CDH13: variants seen among roughly 807,000 people sequenced by gnomAD.
The protein encoded by CDH13 is cadherin-13.
CDH13 carries 24 observed loss-of-function variants against 63.8 expected under a neutral mutation model. The observed-to-expected ratio is 0.38, with a 90% CI of 0.27 to 0.53. The LOEUF (loss-of-function observed/expected upper bound fraction) is 0.53. CDH13 is among the 20% of genes least tolerant of loss of function. The probability of loss-of-function intolerance (pLI) is 0.85; values close to 1 mark genes in which losing one functional copy is unlikely to be tolerated. For synonymous variants in CDH13, 503 were observed against 355.3 expected, an observed-to-expected ratio of 1.42 and a Z score of -4.67; for missense variants, 1,049 against 903.1, an observed-to-expected ratio of 1.16 and a Z score of -2.07.
intron 5 of CDH13, among the ~76,000 whole-genome samples, chr16:83,317,449 A>G (rs760093323): frequency 1.4e-4 from 21 of 152,088 alleles, no homozygotes; most frequent in Non-Finnish European, 1.8e-4. Context: ...GCCACATCTA[A>G]AGTCTTTCTG....
At position 83,246,706 on chromosome 16, in the gene CDH13, T is replaced by G. The variant is rs559262979; in HGVS notation, c.636+29209T>G. ...TTAACCTCTGCCTTTGAGGCCCCTATGTTTACTCTTCGCCGGTGTTGCTGC... is the reference window on the plus strand; with the variant it reads ...TTAACCTCTGCCTTTGAGGCCCCTAGGTTTACTCTTCGCCGGTGTTGCTGC... On this transcript the variant is annotated intron_variant, in intron 5 of 13. Transcript: ENST00000567109. Among the ~76,000 whole-genome samples, 6 of 152,338 alleles carry G rather than the reference T, an allele frequency of 3.9e-5. No homozygotes were observed. The East Asian group carries it at 1.2e-3, about 29-fold the overall frequency.
At chr16:82,698,626 C>T (rs574182191) in intron 1 of CDH13, among the ~76,000 whole-genome samples, 1 of 152,322 alleles carries the variant, frequency 6.6e-6, no homozygotes, top group South Asian at 2.1e-4. Flanking sequence ...CTCAATTCTA[C>T]AGGTGATTTT....
At chr16:83,738,107 T>C (rs150566237) in intron 10 of CDH13, among the ~76,000 whole-genome samples, 2 of 152,326 alleles carry the variant, frequency 1.3e-5, no homozygotes, top group East Asian at 3.9e-4. Context: ...ATGCATGATT[T>C]ACGATGTGAG....
At chr16:82,631,598 C>G (rs145806782) in intron 1 of CDH13, among the ~76,000 whole-genome samples, 1 of 152,200 alleles carries the variant, frequency 6.6e-6, no homozygotes, top group Non-Finnish European at 1.5e-5. Context: ...CCCCACAGCC[C>G]GCTTCTTCTG....
At chr16:82,722,506 G>A (rs1230027591) in intron 1 of CDH13, among the ~76,000 whole-genome samples, 1 of 152,188 alleles carries the variant, frequency 6.6e-6, no homozygotes, top group African/African-American at 2.4e-5. Flanking sequence ...TACAGGTACT[G>A]TGCCAGATGA....
At chr16:83,055,352 G>T (rs2151512401) in intron 3 of CDH13, among the ~76,000 whole-genome samples, 1 of 150,986 alleles carries the variant, frequency 6.6e-6, no homozygotes, top group East Asian at 2.0e-4. Flanking sequence ...TCTGTAACTT[G>T]ATATCAATAG....
intron 4 of CDH13, 99 bp downstream of exon 4, chr16:83,125,600 C>T (rs762469698): frequency 3.0e-6 from 2 of 661,610 alleles, no homozygotes; most frequent in Non-Finnish European, 2.7e-6. Context: ...TGGAATTAGT[C>T]TTCATCTGTC....
chr16:83,009,924 G>A (rs981467820), intron 2 of CDH13, among the ~76,000 whole-genome samples: 3 of 151,708 alleles, frequency 2.0e-5, no homozygotes, highest in East Asian at 1.9e-4. Context: ...ACCTGAGGTC[G>A]GGAGTTCTTG....
intron 11 of CDH13, among the ~76,000 whole-genome samples, chr16:83,754,167 C>G (rs1399995625): frequency 6.6e-6 from 1 of 152,098 alleles, no homozygotes; most frequent in Non-Finnish European, 1.5e-5. Context: ...AAAACAGAGA[C>G]CTACCAAAGG....
intron 3 of CDH13, among the ~76,000 whole-genome samples, chr16:83,088,818 A>G (rs1034351047): frequency 2.0e-5 from 3 of 152,220 alleles, no homozygotes; most frequent in Admixed American, 6.5e-5. Flanking sequence ...CTGGTGGTTA[A>G]TAAATACTAA....
chr16:83,300,805 T>A (rs2089716002), intron 5 of CDH13, among the ~76,000 whole-genome samples: 1 of 152,214 alleles, frequency 6.6e-6, no homozygotes, highest in Non-Finnish European at 1.5e-5. Flanking sequence ...GCTGCATTCT[T>A]AAGATTTGTA....
chr16:83,046,283 C>G (rs985122865), intron 3 of CDH13, among the ~76,000 whole-genome samples: 4 of 152,112 alleles, frequency 2.6e-5, no homozygotes, highest in African/African-American at 7.2e-5. Context: ...TTCTATCTTT[C>G]TTAATTAGGT....
intron 4 of CDH13, among the ~76,000 whole-genome samples, chr16:83,210,167 C>T (rs1048235024): frequency 2.0e-5 from 3 of 151,950 alleles, no homozygotes; most frequent in Non-Finnish European, 2.9e-5. Flanking sequence ...CGGGTTCAAG[C>T]GATTCTCCTG....
chr16:83,231,144 C>T (rs909527877), intron 5 of CDH13, among the ~76,000 whole-genome samples: 3 of 152,200 alleles, frequency 2.0e-5, no homozygotes, highest in African/African-American at 7.2e-5. Context: ...ACTTGCACAT[C>T]ACGGCCCCAT....
At chr16:83,449,452 T>C (rs1407119346) in intron 6 of CDH13, among the ~76,000 whole-genome samples, 1 of 152,194 alleles carries the variant, frequency 6.6e-6, no homozygotes, top group Admixed American at 6.5e-5. Flanking sequence ...CCTGTTCTAA[T>C]GCAGAGCAGG....
At chr16:82,781,336 C>T (rs1433585700) in intron 1 of CDH13, among the ~76,000 whole-genome samples, 1 of 152,144 alleles carries the variant, frequency 6.6e-6, no homozygotes, top group South Asian at 2.1e-4. Context: ...TACCGTTCTG[C>T]TTGCTGGTGG....
intron 8 of CDH13, among the ~76,000 whole-genome samples, chr16:83,662,578 T>C (rs548803981): frequency 1.0e-3 from 155 of 151,992 alleles, no homozygotes; most frequent in African/African-American, 1.2e-3. Context: ...GAGCAGGGAG[T>C]TGAGGATCTC....
Position 83,670,729 on chromosome 16 carries a change from C to T in CDH13, c.1102-61C>T, listed in dbSNP as rs1914426176. On this transcript the variant is annotated intron_variant, in intron 8 of 13. Transcript: ENST00000567109. ...TGTGTGTAACATACCCAATGCAAAG[C>T]ATGTAGTAAATGACTATGTGTTTTC... 42 of 1,440,200 alleles carry T rather than the reference C, an allele frequency of 2.9e-5. No individual in the cohort carries two copies. In the South Asian group the frequency reaches 3.8e-4, roughly 13 times the overall value. 89.2% of individuals were successfully genotyped at this position (1,440,200 alleles called of 1,614,324 possible). A position where few individuals can be genotyped will look rare whatever the true frequency, so the allele number is the denominator to read the frequency against.
At chr16:83,777,045 C>T (rs893840145) in intron 11 of CDH13, among the ~76,000 whole-genome samples, 11 of 152,318 alleles carry the variant, frequency 7.2e-5, no homozygotes, top group Admixed American at 3.9e-4. Context: ...CTCTGCTCTT[C>T]GGGCAGCCTC....
Sources: gnomAD v4.1 joint callset for allele counts (sites outside exome capture counted in the v4.1 genomes callset) on GRCh38, gnomAD v4.1.1 for gene constraint, MANE v1.5 for transcripts, NCBI Gene and HGNC (gene_info 2026-07-23, HGNC 2026-07-21) for gene names.